The following SPTBN5 variants were observed in gnomAD, a reference collection of about 807,000 sequenced individuals.
SPTBN5 encodes spectrin beta, non-erythrocytic 5.
SPTBN5 carries 513 observed loss-of-function variants against 477.6 expected under a neutral mutation model. The ratio of observed to expected loss-of-function variants is 1.07; its 90% CI spans 1.00 to 1.16. The LOEUF (loss-of-function observed/expected upper bound fraction) is 1.16. SPTBN5 is among the 50% of genes most tolerant of loss of function. SPTBN5 has a pLI of 0.00. For synonymous variants in SPTBN5, 2,169 were observed against 2,011.7 expected (o/e 1.08, Z -2.09); for missense variants, 5,062 against 4,731.8 (o/e 1.07, Z -2.05).
At position 41,890,214 on chromosome 15, in the gene SPTBN5, A is replaced by C; in HGVS notation, c.385-9T>G. 6.3e-7 allele frequency: 1 copy of C among 1,596,140 alleles called. No homozygotes were observed. Among genetic ancestry groups the C allele is most frequent in the South Asian group, 1.1e-5 (1 of 89,166 alleles). On this transcript the variant is annotated splice_polypyrimidine_tract_variant and intron_variant, in intron 3 of 67. Coordinates refer to ENST00000320955, the MANE Select transcript of SPTBN5 (RefSeq NM_016642.4). ...ATGAGTGGTACTGGCACCTGTGGGC[A>C]CAGTTGGATGGGCTAAGCCATGAAG...
rs779907153 is a variant in SPTBN5 at position 41,857,419 on chromosome 15, TG to T, written c.8439del (p.Thr2814LeufsTer41). 17 of 1,601,052 alleles carry T rather than the reference TG, an allele frequency of 1.1e-5. No homozygotes were observed. Among genetic ancestry groups the T allele is most frequent in the Non-Finnish European group, 1.4e-5 (16 of 1,174,286 alleles). On this transcript the variant is annotated frameshift_variant, in exon 51 of 68. Coordinates refer to ENST00000320955, the MANE Select transcript of SPTBN5 (RefSeq NM_016642.4). LOFTEE classifies it high-confidence loss of function. The part of the protein sequence containing the change: ...LEPIEVELRA[P>X]TVGQALPGVG... ...ACCCCAGGCAGGGCCTGGCCCACAG[TG>T]GGGGCTCTCAGCTCAACCTCGATGG...
intron 17 of SPTBN5, among the ~76,000 whole-genome samples, chr15:41,877,744 G>T (rs377353898): frequency 6.6e-6 from 1 of 152,206 alleles, no homozygotes; most frequent in Non-Finnish European, 1.5e-5. Context: ...TTAGAGCAAG[G>T]CTCCACTTCC....
chr15:41,852,342 G>A (rs1210959495), intron 61 of SPTBN5, 26 bp from the exon 62 acceptor site: 1 of 1,540,986 alleles, frequency 6.5e-7, no homozygotes, highest in Non-Finnish European at 8.8e-7. Flanking sequence ...AGGTGGGCAA[G>A]GTGAGCCAGG....
In SPTBN5 at chr15:41,858,905, C is replaced by A; in HGVS notation, c.8064G>T (p.Leu2688=). The change falls in exon 48 of 68, where the codon CTG becomes CTT. Residue 2688 remains leucine, a synonymous_variant. Coordinates refer to ENST00000320955, the MANE Select transcript of SPTBN5 (RefSeq NM_016642.4). ...LEELRQLQAF[L]QDSQEVAAWL... ...CGAGGCGAACCTCCTGGGAGTCCTG[C>A]AGGAAGGCCTGCAGCTGCCGGAGCT... The A allele has an allele frequency of 6.3e-7, 1 of 1,591,670 alleles. No individual in the cohort carries two copies. Among genetic ancestry groups the A allele is most frequent in the African/African-American group, 1.3e-5 (1 of 74,446 alleles).
At chr15:41,868,743 G>A (rs2066428588) in intron 32 of SPTBN5, 142 bp from the exon 33 acceptor site, 3 of 713,442 alleles carry the variant, frequency 4.2e-6, no homozygotes, top group Admixed American at 2.6e-5. Flanking sequence ...TGAGGCACAT[G>A]TGGCCCTTTG....
intron 17 of SPTBN5, 144 bp from the exon 18 acceptor site, chr15:41,877,500 G>A (rs766858522): frequency 1.1e-5 from 14 of 1,257,692 alleles, no homozygotes; most frequent in Non-Finnish European, 1.5e-5. Flanking sequence ...TAGGGTGCAG[G>A]GGTTCCCAAT....
rs2065627916 is a variant in SPTBN5, at chr15:41,848,450, A to AC, written c.*165dup. ...TGGCTGTTTCCTGCCACATGGTAGG[A>AC]CCCATCTAACCAGAAGGAACTGTCT... On this transcript the variant is annotated 3_prime_UTR_variant, in exon 68 of 68. Transcript: ENST00000320955. 1.3e-6 allele frequency: 1 copy of AC among 766,308 alleles called. No individual in the cohort carries two copies. The highest frequency in any genetic ancestry group is 1.7e-5 in the African/African-American group (1 of 58,402). The allele number at this position is 766,308 out of a possible 1,614,324, so 47.5% of individuals were successfully genotyped here.
At chr15:41,883,311 G>T in intron 8 of SPTBN5, 37 bp downstream of exon 8, 1 of 1,609,812 alleles carries the variant, frequency 6.2e-7, no homozygotes. Flanking sequence ...CCCCCACCTT[G>T]CTGTGTTTCC....
At chr15:41,871,582 G>T in intron 28 of SPTBN5, 62 bp from the exon 29 acceptor site, 1 of 1,410,154 alleles carries the variant, frequency 7.1e-7, no homozygotes, top group South Asian at 1.6e-5. Context: ...AGCAGCCTGG[G>T]AATCGAGGCA....
At chr15:41,853,031 C>T in intron 59 of SPTBN5, 31 bp from the exon 60 acceptor site, 1 of 1,484,492 alleles carries the variant, frequency 6.7e-7, no homozygotes, top group Non-Finnish European at 9.0e-7. Flanking sequence ...TGGGTGACAG[C>T]TTGGGTAGGG....
chr15:41,848,724 G>C (rs2065640925), intron 67 of SPTBN5, 96 bp from the exon 68 acceptor site: 1 of 1,412,862 alleles, frequency 7.1e-7, no homozygotes, highest in African/African-American at 1.4e-5. Flanking sequence ...CCCTGGACCA[G>C]CCAGCCTCCT....
rs574622603 is a variant in SPTBN5, at chr15:41,857,431, G to C, written c.8428C>G (p.Leu2810Val). The change falls in exon 51 of 68, where the codon CTG (leucine) becomes GTG (valine). Residue 2810 changes from leucine to valine, a missense_variant. By Grantham distance (32) the Leu-to-Val change is conservative. Transcript: ENST00000320955. ...GCCTGGCCCACAGTGGGGGCTCTCAGCTCAACCTCGATGGGCTCCAGCCAG... is the reference window on the plus strand; with the variant it reads ...GCCTGGCCCACAGTGGGGGCTCTCACCTCAACCTCGATGGGCTCCAGCCAG... ...ENWLEPIEVE[L>V]RAPTVGQALP... 6.9e-6 allele frequency: 11 copies of C among 1,604,732 alleles called. No homozygotes were observed. In the Admixed American group the frequency reaches 1.0e-4, roughly 15 times the overall value.
chr15:41,863,616 G>C, intron 41 of SPTBN5, 88 bp downstream of exon 41: 1 of 1,037,700 alleles, frequency 9.6e-7, no homozygotes, highest in Non-Finnish European at 1.5e-6. Flanking sequence ...CCAGTGAGGG[G>C]GGAGACGCAT....
At chr15:41,848,846 T>G (rs1198058117) in intron 67 of SPTBN5, among the ~76,000 whole-genome samples, 1 of 152,112 alleles carries the variant, frequency 6.6e-6, no homozygotes, top group Non-Finnish European at 1.5e-5. Context: ...CAACTCTACG[T>G]CTGTCAGCTG....
Position 41,871,482 on chromosome 15 carries a change from C to T in SPTBN5, c.5340G>A (p.Val1780=), listed in dbSNP as rs2066535052. The part of the protein sequence containing the change: ...CTKFAKFQHQ[V]EMGSQRVAAC... ...CGGCCACCCGCTGGCTGCCCATCTC[C>T]ACTTGGTGCTGAAACTTTGCAAACT... Residue 1780 remains valine (V), a synonymous_variant, in exon 29 of 68, where the codon GTG becomes GTA. Transcript: ENST00000320955. The T allele has an allele frequency of 2.6e-6, 4 of 1,531,032 alleles. No individual in the cohort carries two copies. Among genetic ancestry groups the T allele is most frequent in the Non-Finnish European group, 3.5e-6 (4 of 1,137,808 alleles). 94.8% of individuals were successfully genotyped at this position (1,531,032 alleles called of 1,614,324 possible). A position where few individuals can be genotyped will look rare whatever the true frequency, so the allele number is the denominator to read the frequency against.
rs752564851 is a variant in SPTBN5, at chr15:41,857,304, G to A, written c.8555C>T (p.Ala2852Val). 2 of 1,569,552 alleles carry A rather than the reference G, an allele frequency of 1.3e-6. No homozygotes were observed. Among genetic ancestry groups the A allele is most frequent in the Non-Finnish European group, 1.7e-6 (2 of 1,157,930 alleles). The change falls in exon 51 of 68, where the codon GCC (alanine) becomes GTC (valine). Residue 2852 changes from alanine to valine, a missense_variant. Transcript: ENST00000320955. ...QAEALLGQAQ[A>V]FVREGHCLAQ... ...AAGGCAGTGGCCTTCCCTCACAAAG[G>A]CCTGGGCCTGGCCCAGCAGTGCCTC...
In SPTBN5 at chr15:41,882,706, G is replaced by C; in HGVS notation, c.1925C>G (p.Ala642Gly). Residue 642 changes from alanine to glycine, a missense_variant, in exon 10 of 68, where the codon GCA (alanine) becomes GGA (glycine). Transcript: ENST00000320955. ...CTCCTCACAGTTGCGCAGGAACTCT[G>C]CCCGCTGCAGGGTCTGCTCCAGCAG... is the stretch of plus-strand genomic sequence containing the variant. ...RALLEQTLQR[A>G]EFLRNCEEEE... is the part of the protein sequence containing the mutation. 2.5e-6 allele frequency: 4 copies of C among 1,609,836 alleles called. No individual in the cohort carries two copies. The highest frequency in any genetic ancestry group is 3.4e-6 in the Non-Finnish European group (4 of 1,178,466).
chr15:41,856,213 C>T (rs2065925632), intron 53 of SPTBN5, among the ~76,000 whole-genome samples, 173 bp downstream of exon 53: 1 of 152,238 alleles, frequency 6.6e-6, no homozygotes, highest in Admixed American at 6.5e-5. Context: ...AAAAGCCAAC[C>T]CAGCCAGCAG....
At position 41,853,700 on chromosome 15, in the gene SPTBN5, C is replaced by A; in HGVS notation, c.9862G>T (p.Gly3288Cys). Residue 3288 changes from glycine to cysteine, a missense_variant, in exon 58 of 68, where the codon GGC (glycine) becomes TGC (cysteine). Physicochemically the swap from Gly to Cys is radical, Grantham distance 159. Transcript: ENST00000320955. The stretch of plus-strand genomic sequence containing the variant: ...CAGGCCTCCTGCACCTTGGCCAGGC[C>A]CCCCGGAGCTGCAGGATGTAGCTGG... ...LGQLHPAAPG[G>C]LAKVQEAWAT... 1.3e-6 allele frequency: 2 copies of A among 1,598,534 alleles called. No homozygotes were observed. The highest frequency in any genetic ancestry group is 2.2e-5 in the South Asian group (2 of 89,284).
Sources: gnomAD v4.1 joint callset for allele counts (sites outside exome capture counted in the v4.1 genomes callset) on GRCh38, gnomAD v4.1.1 for gene constraint, MANE v1.5 for transcripts, NCBI Gene and HGNC (gene_info 2026-07-23, HGNC 2026-07-21) for gene names.